The following KNL1 variants were observed in gnomAD, a reference collection of about 807,000 sequenced individuals.
KNL1 encodes the protein kinetochore scaffold 1, also known as outer kinetochore KNL1 complex subunit KNL1.
A neutral mutation model predicts 201.3 loss-of-function variants in KNL1; 66 were observed. The observed-to-expected ratio is 0.33, with a 90% CI of 0.27 to 0.40. The LOEUF is 0.40. KNL1 is among the 10% of genes least tolerant of loss of function. KNL1 has a pLI of 1.00. For missense variants in KNL1, 2,815 were observed against 2,690.5 expected (o/e 1.05, Z -1.02); for synonymous variants, 895 against 899.2 (o/e 1.00, Z 0.08).
At chr15:40,649,028 G>A (rs1893478709) in intron 17 of KNL1, among the ~76,000 whole-genome samples, 1 of 149,838 alleles carries the variant, frequency 6.7e-6, no homozygotes, top group East Asian at 2.0e-4. Flanking sequence ...AGTAGAGACG[G>A]GGTTTCTCCA....
chr15:40,601,522 A>G (rs1292025157), intron 1 of KNL1, among the ~76,000 whole-genome samples: 1 of 152,128 alleles, frequency 6.6e-6, no homozygotes, highest in East Asian at 1.9e-4. Flanking sequence ...AATATTAATT[A>G]TAATAGTGGT....
chr15:40,652,903 T>C (rs1893613915), intron 21 of KNL1, among the ~76,000 whole-genome samples: 3 of 152,192 alleles, frequency 2.0e-5, no homozygotes, highest in Admixed American at 2.0e-4. Flanking sequence ...CCCAGCTGTT[T>C]TGTTGGAGTT....
At chr15:40,640,080 T>C (rs1197404412) in intron 13 of KNL1, among the ~76,000 whole-genome samples, 1 of 150,930 alleles carries the variant, frequency 6.6e-6, no homozygotes, top group Non-Finnish European at 1.5e-5. Flanking sequence ...TCTTTTCTTT[T>C]TTTTCTTTTT....
Position 40,624,120 on chromosome 15 carries a change from G to C in KNL1, c.3856G>C (p.Asp1286His), listed in dbSNP as rs766553736. The change falls in exon 10 of 26, where the codon GAC becomes CAC. Residue 1286 changes from aspartate to histidine, a missense_variant. By Grantham distance (81) the Asp-to-His change is moderately conservative. This residue lies in a region of KNL1 where 2,464 missense variants were observed against 2,291.7 expected (regional missense o/e 1.08). Transcript: ENST00000399668. ...QLNNRDRRNV[D>H]FTSSHATAVC... ...AAATAATAGAGATAGAAGAAATGTG[G>C]ACTTTACAAGTAGTCATGCAACTGC... is the stretch of plus-strand genomic sequence containing the variant. 1 of 1,613,926 alleles carries C rather than the reference G, an allele frequency of 6.2e-7. No individual in the cohort carries two copies. Among genetic ancestry groups the C allele is most frequent in the Non-Finnish European group, 8.5e-7 (1 of 1,179,902 alleles).
Position 40,602,920 on chromosome 15 carries a change from T to C in KNL1, c.-12T>C, listed in dbSNP as rs1891854607. On this transcript the variant is annotated 5_prime_UTR_variant, in exon 2 of 26. Coordinates refer to ENST00000399668, the MANE Select transcript of KNL1 (RefSeq NM_144508.5). ...ATATTGTATATTTGTTACAGAAAAG[T>C]TTTCTTCAAAAATGGATGGGGTGTC... is the stretch of plus-strand genomic sequence containing the variant. 3 of 1,571,172 alleles carry C rather than the reference T, an allele frequency of 1.9e-6. No homozygotes were observed. The African/African-American group carries it at 4.1e-5, about 21-fold the overall frequency.
At chr15:40,612,039 C>T (rs566049923) in intron 7 of KNL1, among the ~76,000 whole-genome samples, 212 of 152,008 alleles carry the variant, frequency 1.4e-3, no homozygotes, top group African/African-American at 4.8e-3. Flanking sequence ...AAAAATTGGC[C>T]GGGCACAGTG....
intron 13 of KNL1, among the ~76,000 whole-genome samples, chr15:40,639,082 T>A (rs1181971256): frequency 6.6e-6 from 1 of 151,878 alleles, no homozygotes; most frequent in Non-Finnish European, 1.5e-5. Context: ...CATGAGCCTC[T>A]GCACCCAGCC....
At chr15:40,647,733 GTTC>G (rs928934831) in intron 17 of KNL1, among the ~76,000 whole-genome samples, 1 of 152,106 alleles carries the variant, frequency 6.6e-6, no homozygotes, top group African/African-American at 2.4e-5. Flanking sequence ...ATCAAATTTT[GTTC>G]TTCTCAGTCC....
intron 13 of KNL1, among the ~76,000 whole-genome samples, chr15:40,636,665 C>A (rs1173016332): frequency 6.6e-6 from 1 of 151,924 alleles, no homozygotes. Context: ...CCCCCCTCTA[C>A]CAAAAAAATA....
chr15:40,608,767 T>G, intron 4 of KNL1, 80 bp from the exon 5 acceptor site: 2 of 963,460 alleles, frequency 2.1e-6, no homozygotes, highest in Non-Finnish European at 3.1e-6. Context: ...AAAAAGGACT[T>G]GATCTCTGTC....
At chr15:40,660,928 C>T (rs1055476902) in intron 25 of KNL1, among the ~76,000 whole-genome samples, 4 of 152,064 alleles carry the variant, frequency 2.6e-5, no homozygotes, top group African/African-American at 9.7e-5. Flanking sequence ...ATGCCACTGG[C>T]CTCCAGCCTG....
At chr15:40,611,108 A>AT (rs10706227) in intron 6 of KNL1, among the ~76,000 whole-genome samples, 29 of 143,242 alleles carry the variant, frequency 2.0e-4, no homozygotes, top group South Asian at 2.0e-3. Flanking sequence ...ATTTTATTGT[A>AT]TTTTTTTTTT....
chr15:40,602,479 C>CGTTTTTT (rs1566998543), intron 1 of KNL1, among the ~76,000 whole-genome samples: 6 of 104,188 alleles, frequency 5.8e-5, no homozygotes, highest in African/African-American at 2.1e-4. Context: ...TTTTTTCCTT[C>CGTTTTTT]CTTTTTTTTT....
At chr15:40,610,153 T>C (rs1032770705) in intron 5 of KNL1, 92 bp from the exon 6 acceptor site, 4 of 708,346 alleles carry the variant, frequency 5.6e-6, no homozygotes, top group Non-Finnish European at 9.9e-6. Flanking sequence ...CAAAGTATTA[T>C]CTTGACCTAT....
At chr15:40,604,822 A>T (rs1891922535) in intron 2 of KNL1, among the ~76,000 whole-genome samples, 1 of 152,246 alleles carries the variant, frequency 6.6e-6, no homozygotes, top group Non-Finnish European at 1.5e-5. Context: ...AACCAAAGCT[A>T]GCGTCTCTTG....
At position 40,625,166 on chromosome 15, in the gene KNL1, T is replaced by C. The variant is rs576316687; in HGVS notation, c.4902T>C (p.Ser1634=). The part of the protein sequence containing the change: ...KKSHNGAETT[S]LPPKTVFKDK... ...CTCATAATGGAGCTGAAACCACCTC[T>C]CTACCGCCAAAGACAGTTTTTAAAG... The change falls in exon 10 of 26, where the codon TCT becomes TCC. Residue 1634 remains serine, a synonymous_variant. Coordinates refer to ENST00000399668, the MANE Select transcript of KNL1 (RefSeq NM_144508.5). 33 of 1,614,082 alleles carry C rather than the reference T, an allele frequency of 2.0e-5. No individual in the cohort carries two copies. In the East Asian group the frequency reaches 6.7e-4, roughly 33 times the overall value.
At position 40,623,532 on chromosome 15, in the gene KNL1, C is replaced by G. The variant is rs1309470341; in HGVS notation, c.3268C>G (p.Gln1090Glu). The stretch of plus-strand genomic sequence containing the variant: ...TCATAAAAATGATATGGATATTACC[C>G]AGAGTTGTATGGTGGAAATAGATAA... ...ENHKNDMDITQSCMVEIDNES... is the reference protein window; with the variant it reads ...ENHKNDMDITESCMVEIDNES... Residue 1090 changes from glutamine to glutamate, a missense_variant, in exon 10 of 26, where the codon CAG (glutamine) becomes GAG (glutamate). Gln to Glu is a conservative substitution (Grantham distance 29). Transcript: ENST00000399668. The G allele has an allele frequency of 3.7e-6, 6 of 1,613,354 alleles. No individual in the cohort carries two copies. Among genetic ancestry groups the G allele is most frequent in the African/African-American group, 1.3e-5 (1 of 74,848 alleles).
chr15:40,624,604 C>T lies in KNL1; in HGVS notation c.4340C>T (p.Thr1447Ile), dbSNP rs200605040. 8.0e-5 allele frequency: 129 copies of T among 1,613,826 alleles called. No individual in the cohort carries two copies. The African/African-American group carries it at 1.5e-3, about 19-fold the overall frequency. The stretch of plus-strand genomic sequence containing the variant: ...GTTATTCCTCAGCCTCATTTCTCAA[C>T]CGACCAACCTCCATTACCTAAAAAA... Reference protein sequence around the residue: ...IYVIPQPHFSTDQPPLPKKGQ... With the variant: ...IYVIPQPHFSIDQPPLPKKGQ... Residue 1447 changes from threonine to isoleucine, a missense_variant, in exon 10 of 26, where the codon ACC becomes ATC. By Grantham distance (89) the Thr-to-Ile change is moderately conservative. This residue lies in a region of KNL1 where 2,464 missense variants were observed against 2,291.7 expected (regional missense o/e 1.08). Transcript: ENST00000399668.
At position 40,615,352 on chromosome 15, in the gene KNL1, T is replaced by C; in HGVS notation, c.296T>C (p.Leu99Ser). Reference protein sequence around the residue: ...ENLLLIQNKKLEDNYCEITGM... With the variant: ...ENLLLIQNKKSEDNYCEITGM... The stretch of plus-strand genomic sequence containing the variant: ...TTTTTAATTTTTAGGAATAAGAAAT[T>C]AGAAGATAATTACTGTGAAATTACT... Residue 99 changes from leucine (L) to serine (S), a missense_variant, in exon 8 of 26, where the codon TTA (leucine) becomes TCA (serine). Physicochemically the swap from Leu to Ser is moderately radical, Grantham distance 145. This residue lies in a region of KNL1 where 2,464 missense variants were observed against 2,291.7 expected (regional missense o/e 1.08). Transcript: ENST00000399668. The C allele has an allele frequency of 1.4e-6, 1 of 704,798 alleles. No individual in the cohort carries two copies. Among genetic ancestry groups the C allele is most frequent in the Non-Finnish European group, 2.3e-6 (1 of 430,304 alleles). The allele number at this position is 704,798 out of a possible 1,614,324, so 43.7% of individuals were successfully genotyped here.
Sources: allele counts gnomAD v4.1 joint callset (sites outside exome capture counted in the v4.1 genomes callset), GRCh38; gene constraint gnomAD v4.1.1; regional missense constraint gnomAD v4.1.1; transcripts MANE v1.5; gene names NCBI Gene and HGNC (gene_info 2026-07-23, HGNC 2026-07-21).